Variants in CRIM1 observed in about 807,000 individuals in gnomAD.
CRIM1 encodes cysteine-rich motor neuron 1 protein.
In CRIM1, 32 loss-of-function variants were observed where a neutral mutation model predicts 116.4. That is an observed-to-expected ratio of 0.27 (90% confidence interval 0.21 to 0.37). CRIM1 has a LOEUF of 0.37. CRIM1 is among the 10% of genes least tolerant of loss of function. The probability of loss-of-function intolerance (pLI) is 1.00; values close to 1 mark genes in which losing one functional copy is unlikely to be tolerated. For missense variants in CRIM1, 1,331 were observed against 1,354.8 expected (o/e 0.98, Z 0.28); for synonymous variants, 590 against 509.2 (o/e 1.16, Z -2.13).
In CRIM1 at chr2:36,488,705, A is replaced by C. The variant is rs896625501; in HGVS notation, c.1372+9011A>C. Among the ~76,000 whole-genome samples, 27 of 152,338 alleles carry C rather than the reference A, an allele frequency of 1.8e-4. 1 individual carries two copies. The highest frequency in any genetic ancestry group is 6.0e-4 in the African/African-American group (25 of 41,580). ...CGCATCTGAGAGATTAGCTGGATTT[A>C]TCTGGTTTGTTTGAAACAGCCTAGT... On this transcript the variant is annotated intron_variant, in intron 7 of 16. Coordinates refer to ENST00000280527, the MANE Select transcript of CRIM1 (RefSeq NM_016441.3).
At chr2:36,518,469 C>G (rs562124493) in intron 12 of CRIM1, among the ~76,000 whole-genome samples, 1 of 152,126 alleles carries the variant, frequency 6.6e-6, no homozygotes, top group Non-Finnish European at 1.5e-5. Flanking sequence ...TCTGTTGTTC[C>G]GTCATTATGT....
chr2:36,395,425 T>A (rs1446615048), intron 1 of CRIM1, among the ~76,000 whole-genome samples: 1 of 152,280 alleles, frequency 6.6e-6, no homozygotes, highest in East Asian at 1.9e-4. Flanking sequence ...ATGTTTACTA[T>A]GTAACAGTCA....
chr2:36,506,582 A>G (rs1388342185), intron 8 of CRIM1, among the ~76,000 whole-genome samples: 1 of 152,108 alleles, frequency 6.6e-6, no homozygotes, highest in African/African-American at 2.4e-5. Flanking sequence ...TCCAGAATGA[A>G]CAGAGTTTTA....
At chr2:36,369,778 C>T (rs1396026863) in intron 1 of CRIM1, among the ~76,000 whole-genome samples, 2 of 152,184 alleles carry the variant, frequency 1.3e-5, no homozygotes, top group Non-Finnish European at 2.9e-5. Flanking sequence ...TGAACTATTT[C>T]TGTAGCATCA....
intron 13 of CRIM1, among the ~76,000 whole-genome samples, chr2:36,527,336 T>C (rs1052912155): frequency 9.9e-5 from 15 of 152,230 alleles, no homozygotes; most frequent in Non-Finnish European, 2.2e-4. Context: ...TATAGGTAGA[T>C]GGTACACTAA....
chr2:36,406,509 G>T (rs150138493), intron 2 of CRIM1, among the ~76,000 whole-genome samples: 1 of 152,168 alleles, frequency 6.6e-6, no homozygotes, highest in African/African-American at 2.4e-5. Context: ...TTGGTCAAGG[G>T]AAGGGAATTC....
At chr2:36,535,494 T>C (rs1558412007) in intron 13 of CRIM1, among the ~76,000 whole-genome samples, 3 of 152,226 alleles carry the variant, frequency 2.0e-5, no homozygotes, top group Admixed American at 6.5e-5. Flanking sequence ...CATTTTTTAA[T>C]AGATACTGAA....
chr2:36,372,356 T>G (rs1670000607), intron 1 of CRIM1, among the ~76,000 whole-genome samples: 1 of 152,180 alleles, frequency 6.6e-6, no homozygotes, highest in African/African-American at 2.4e-5. Context: ...TATTTAGTAA[T>G]TCCACATTCA....
chr2:36,412,580 C>G (rs1673298407), intron 2 of CRIM1, among the ~76,000 whole-genome samples: 1 of 152,082 alleles, frequency 6.6e-6, no homozygotes, highest in Non-Finnish European at 1.5e-5. Context: ...TTGTGTATTC[C>G]TCAGTCATAC....
chr2:36,406,423 A>G (rs962084007), intron 2 of CRIM1, among the ~76,000 whole-genome samples: 2 of 152,274 alleles, frequency 1.3e-5, no homozygotes, highest in Admixed American at 1.3e-4. Context: ...GGGAAGCTAA[A>G]GGAAAAATCA....
chr2:36,435,109 G>A (rs975481180), intron 2 of CRIM1, among the ~76,000 whole-genome samples: 4 of 152,118 alleles, frequency 2.6e-5, no homozygotes, highest in African/African-American at 4.8e-5. Context: ...AAGGGCCCCC[G>A]TGATACTCTA....
intron 2 of CRIM1, among the ~76,000 whole-genome samples, chr2:36,434,348 T>A (rs1234713667): frequency 6.6e-6 from 1 of 152,238 alleles, no homozygotes; most frequent in African/African-American, 2.4e-5. Flanking sequence ...TTGTCCTCTG[T>A]ATTTAAGCAA....
chr2:36,520,091 G>A lies in CRIM1; in HGVS notation c.2207-2001G>A, dbSNP rs994468449. Among the ~76,000 whole-genome samples the A allele has an allele frequency of 5.9e-5, 9 of 152,260 alleles. No homozygotes were observed. The East Asian group carries it at 7.7e-4, about 13-fold the overall frequency. On this transcript the variant is annotated intron_variant, in intron 12 of 16. Transcript: ENST00000280527. ...GGGTAAGATTCCAAATGACATTGTC[G>A]GTCAGGGTTGGGCCAGGAGCCTCCT...
intron 13 of CRIM1, among the ~76,000 whole-genome samples, chr2:36,531,295 C>A (rs1042441106): frequency 6.6e-5 from 10 of 152,160 alleles, no homozygotes; most frequent in African/African-American, 2.4e-4. Context: ...AGGCAGAAAT[C>A]AAGAAATCCA....
chr2:36,462,203 A>C (rs1269052059), intron 4 of CRIM1, among the ~76,000 whole-genome samples: 4 of 152,080 alleles, frequency 2.6e-5, no homozygotes, highest in Non-Finnish European at 5.9e-5. Context: ...CTTGTAAGGG[A>C]CTTTAAAAAA....
intron 1 of CRIM1, among the ~76,000 whole-genome samples, chr2:36,367,738 T>C (rs1669691265): frequency 6.6e-6 from 1 of 152,208 alleles, no homozygotes; most frequent in Non-Finnish European, 1.5e-5. Flanking sequence ...TCCATGGTTA[T>C]GTTTATCAAG....
intron 2 of CRIM1, among the ~76,000 whole-genome samples, chr2:36,420,408 C>A (rs1673961941): frequency 6.6e-6 from 1 of 152,134 alleles, no homozygotes; most frequent in Non-Finnish European, 1.5e-5. Flanking sequence ...AGGTTGGAAC[C>A]CAGATGGTTT....
chr2:36,485,978 A>C (rs1679789747), intron 7 of CRIM1, among the ~76,000 whole-genome samples: 1 of 152,260 alleles, frequency 6.6e-6, no homozygotes, highest in South Asian at 2.1e-4. Flanking sequence ...GTTGGGTAAC[A>C]AATGCGTAGC....
At chr2:36,428,686 TAG>T (rs1268662105) in intron 2 of CRIM1, among the ~76,000 whole-genome samples, 1 of 152,246 alleles carries the variant, frequency 6.6e-6, no homozygotes, top group African/African-American at 2.4e-5. Context: ...CAAATAGATG[TAG>T]AGCTTTGGTA....
Sources: allele counts gnomAD v4.1 joint callset (sites outside exome capture counted in the v4.1 genomes callset), GRCh38; gene constraint gnomAD v4.1.1; transcripts MANE v1.5; gene names NCBI Gene and HGNC (gene_info 2026-07-23, HGNC 2026-07-21).